NRG3: variants seen among roughly 807,000 people sequenced by gnomAD.
The protein encoded by NRG3 is pro-neuregulin-3, membrane-bound isoform.
In NRG3, 31 loss-of-function variants were observed where a neutral mutation model predicts 66.9. The ratio of observed to expected loss-of-function variants is 0.46; its 90% CI spans 0.35 to 0.63. The LOEUF is 0.63. NRG3 is among the 20% of genes least tolerant of loss of function. NRG3 has a pLI of 0.00. For missense variants in NRG3, 910 were observed against 878.9 expected (o/e 1.04, Z -0.45); for synonymous variants, 393 against 359.4 (o/e 1.09, Z -1.06).
At chr10:82,695,049 G>A (rs1222520043) in intron 2 of NRG3, among the ~76,000 whole-genome samples, 2 of 151,968 alleles carry the variant, frequency 1.3e-5, no homozygotes, top group Non-Finnish European at 2.9e-5. Flanking sequence ...ATAGAATATT[G>A]TATATTATTT....
At chr10:82,833,934 G>T (rs1222876152) in intron 3 of NRG3, among the ~76,000 whole-genome samples, 1 of 152,172 alleles carries the variant, frequency 6.6e-6, no homozygotes, top group Admixed American at 6.6e-5. Context: ...ATGGGAGAAT[G>T]GAGGTGAAGT....
At chr10:82,517,645 T>G (rs1201127197) in intron 2 of NRG3, among the ~76,000 whole-genome samples, 2 of 144,468 alleles carry the variant, frequency 1.4e-5, no homozygotes, top group East Asian at 2.1e-4. Context: ...CCGTGTGTGT[T>G]TGTGTGTGTG....
At chr10:81,917,137 G>A (rs1239463814) in intron 1 of NRG3, among the ~76,000 whole-genome samples, 1 of 152,156 alleles carries the variant, frequency 6.6e-6, no homozygotes, top group African/African-American at 2.4e-5. Context: ...AAGCTTGATT[G>A]CATGTCTGAT....
At position 82,905,785 on chromosome 10, in the gene NRG3, GCTTTGTCTGAAA is replaced by G. The variant is rs1168426277; in HGVS notation, c.1054+40352_1054+40363del. 4.6e-5 allele frequency among the ~76,000 whole-genome samples: 7 copies of G among 152,056 alleles called. No homozygotes were observed. In the South Asian group the frequency reaches 1.5e-3, roughly 32 times the overall value. ...TTTGCTCATATTTATTTAAAGGGCA[GCTTTGTCTGAAA>G]CTTCTACTCATCTGGATGCACTGAG... On this transcript the variant is annotated intron_variant, in intron 4 of 8. Coordinates refer to ENST00000372141, the MANE Select transcript of NRG3 (RefSeq NM_001010848.4).
chr10:82,111,232 T>C (rs924061492), intron 1 of NRG3, among the ~76,000 whole-genome samples: 1 of 152,216 alleles, frequency 6.6e-6, no homozygotes, highest in African/African-American at 2.4e-5. Flanking sequence ...AATTATCTTC[T>C]TGAACATCTT....
intron 2 of NRG3, among the ~76,000 whole-genome samples, chr10:82,443,575 C>A (rs187793429): frequency 9.2e-5 from 14 of 152,250 alleles, no homozygotes; most frequent in African/African-American, 3.4e-4. Flanking sequence ...AGTAATTTGG[C>A]AAGTACCCAT....
intron 1 of NRG3, among the ~76,000 whole-genome samples, chr10:82,071,103 C>T (rs1215240959): frequency 1.3e-5 from 2 of 152,102 alleles, no homozygotes; most frequent in Admixed American, 6.6e-5. Flanking sequence ...TTTTAAGTCT[C>T]CACAAATTTA....
chr10:82,735,235 A>G (rs1380674232), intron 2 of NRG3, among the ~76,000 whole-genome samples: 1 of 152,132 alleles, frequency 6.6e-6, no homozygotes, highest in African/African-American at 2.4e-5. Flanking sequence ...TCATTTTTTT[A>G]CACAATGTTT....
At chr10:82,653,650 TA>T (rs146436902) in intron 2 of NRG3, among the ~76,000 whole-genome samples, 10 of 148,752 alleles carry the variant, frequency 6.7e-5, no homozygotes, top group African/African-American at 1.2e-4. Flanking sequence ...GGTTTTTTTT[TA>T]AAAAAAAAAA....
chr10:82,282,140 A>G (rs2079155578), intron 1 of NRG3, among the ~76,000 whole-genome samples: 1 of 152,176 alleles, frequency 6.6e-6, no homozygotes, highest in Non-Finnish European at 1.5e-5. Flanking sequence ...GCCCAGTCTA[A>G]TGAAACTGAT....
At chr10:82,345,031 G>A (rs1186603229) in intron 1 of NRG3, among the ~76,000 whole-genome samples, 2 of 116,842 alleles carry the variant, frequency 1.7e-5, no homozygotes, top group South Asian at 2.4e-4. Context: ...CACTCTGATG[G>A]TAGTTTCTTT....
chr10:82,453,484 G>A (rs971450482), intron 2 of NRG3, among the ~76,000 whole-genome samples: 6 of 152,082 alleles, frequency 3.9e-5, no homozygotes, highest in Non-Finnish European at 8.8e-5. Flanking sequence ...TTTGTTGTCT[G>A]TAACCATTGC....
At chr10:82,628,224 T>TCA (rs1236851071) in intron 2 of NRG3, among the ~76,000 whole-genome samples, 1 of 152,238 alleles carries the variant, frequency 6.6e-6, no homozygotes, top group Non-Finnish European at 1.5e-5. Flanking sequence ...TAATTTCATT[T>TCA]TATATATATT....
chr10:82,672,805 A>C (rs2053387371), intron 2 of NRG3, among the ~76,000 whole-genome samples: 1 of 152,144 alleles, frequency 6.6e-6, no homozygotes, highest in African/African-American at 2.4e-5. Context: ...GCTGGAGTGC[A>C]GTGGCACGAT....
chr10:82,004,028 C>CACACACACACACACAT (rs1444609157), intron 1 of NRG3, among the ~76,000 whole-genome samples: 33 of 145,738 alleles, frequency 2.3e-4, no homozygotes, highest in African/African-American at 8.1e-4. Context: ...CACACACACA[C>CACACACACACACACAT]ACACACAGAT....
intron 1 of NRG3, among the ~76,000 whole-genome samples, chr10:82,324,155 G>A (rs1026866898): frequency 6.6e-6 from 1 of 152,158 alleles, no homozygotes; most frequent in Non-Finnish European, 1.5e-5. Context: ...GTGAGCCACC[G>A]TGCCTGGCCA....
intron 1 of NRG3, among the ~76,000 whole-genome samples, chr10:81,952,172 C>A (rs1266027796): frequency 6.6e-6 from 1 of 152,150 alleles, no homozygotes; most frequent in African/African-American, 2.4e-5. Flanking sequence ...AGCACACCAA[C>A]GTGGCACATG....
chr10:82,971,408 A>T (rs1263948586), intron 6 of NRG3, among the ~76,000 whole-genome samples: 1 of 150,490 alleles, frequency 6.6e-6, no homozygotes, highest in Non-Finnish European at 1.5e-5. Context: ...ATGGTTTATA[A>T]TTTTCGTGAC....
At chr10:82,764,583 G>A (rs758983696) in intron 3 of NRG3, among the ~76,000 whole-genome samples, 5 of 151,278 alleles carry the variant, frequency 3.3e-5, no homozygotes, top group Admixed American at 6.6e-5. Context: ...GGCAAGTCTC[G>A]AACTCCTGAC....
Sources: gnomAD v4.1 joint callset for allele counts (sites outside exome capture counted in the v4.1 genomes callset) on GRCh38, gnomAD v4.1.1 for gene constraint, MANE v1.5 for transcripts, NCBI Gene and HGNC (gene_info 2026-07-23, HGNC 2026-07-21) for gene names.